BCAS1: variants seen among roughly 807,000 people sequenced by gnomAD.
BCAS1 encodes the protein breast carcinoma-amplified sequence 1.
In BCAS1, 46 loss-of-function variants were observed where a neutral mutation model predicts 65.4. The observed-to-expected ratio is 0.70, with a 90% confidence interval of 0.55 to 0.90. The LOEUF (loss-of-function observed/expected upper bound fraction) is 0.90. Among genes scored for constraint, BCAS1 ranks in the 40% least tolerant of loss-of-function variants. The probability of loss-of-function intolerance (pLI) is 0.00; values close to 1 mark genes in which losing one functional copy is unlikely to be tolerated. For synonymous variants in BCAS1, 298 were observed against 293.5 expected, an observed-to-expected ratio of 1.02 and a Z score of -0.16; for missense variants, 793 against 771.2, an observed-to-expected ratio of 1.03 and a Z score of -0.33.
At position 53,995,034 on chromosome 20, in the gene BCAS1, G is replaced by C. The variant is rs1169122886; in HGVS notation, c.905C>G (p.Thr302Arg). The stretch of plus-strand genomic sequence containing the variant: ...TACCGTGTCTTCTGGGTCCTTTTTT[G>C]TTTCAGCTTTGTTAGGTGAAACCTT... The part of the protein sequence containing the change: ...KTLVSPNKAE[T>R]KKDPEDTASK... Residue 302 changes from threonine to arginine, a missense_variant, in exon 6 of 13, where the codon ACA (threonine) becomes AGA (arginine). Coordinates refer to ENST00000688948, the MANE Select transcript of BCAS1 (RefSeq NM_001366298.2). The C allele has an allele frequency of 2.5e-6, 4 of 1,612,948 alleles. No homozygotes were observed. The Admixed American group carries it at 5.0e-5, about 20-fold the overall frequency.
Position 53,944,989 on chromosome 20 carries a change from T to G in BCAS1, c.1823A>C (p.Lys608Thr), listed in dbSNP as rs1010437354. The change falls in exon 13 of 13, where the codon AAG becomes ACG. Residue 608 changes from lysine to threonine, a missense_variant. By Grantham distance (78) the Lys-to-Thr change is moderately conservative. Transcript: ENST00000688948. Reference sequence around the variant, plus strand: ...TTGCACTTGAGCATCCAACATCCGCTTTGGTCCCTGGAGAAAAACAGAAAG... The same window carrying G: ...TTGCACTTGAGCATCCAACATCCGCGTTGGTCCCTGGAGAAAAACAGAAAG... ...LGGFFKGLGP[K>T]RMLDAQVQTD... The G allele has an allele frequency of 1.1e-5, 17 of 1,613,952 alleles. No individual in the cohort carries two copies. The highest frequency in any genetic ancestry group is 1.4e-5 in the Non-Finnish European group (16 of 1,179,986).
chr20:53,964,427 T>C (rs1276048873), intron 10 of BCAS1, among the ~76,000 whole-genome samples: 1 of 152,208 alleles, frequency 6.6e-6, no homozygotes, highest in Non-Finnish European at 1.5e-5. Context: ...ATACCTGGAA[T>C]TTTAAAGTAA....
At chr20:54,040,656 C>A (rs2091974147) in intron 3 of BCAS1, among the ~76,000 whole-genome samples, 1 of 151,062 alleles carries the variant, frequency 6.6e-6, no homozygotes, top group Non-Finnish European at 1.5e-5. Context: ...GTCTTCACAC[C>A]CACGAGGATG....
intron 11 of BCAS1, among the ~76,000 whole-genome samples, chr20:53,954,324 A>AGG (rs2089632966): frequency 6.6e-6 from 1 of 151,808 alleles, no homozygotes; most frequent in Non-Finnish European, 1.5e-5. Context: ...AGAGAGAGAG[A>AGG]GAGAGAGAGA....
chr20:54,023,628 C>T (rs1203909765), intron 4 of BCAS1, among the ~76,000 whole-genome samples: 2 of 152,076 alleles, frequency 1.3e-5, no homozygotes, highest in Non-Finnish European at 2.9e-5. Flanking sequence ...AGACAGATGG[C>T]GTTTGCACAG....
intron 4 of BCAS1, among the ~76,000 whole-genome samples, chr20:54,012,156 C>CCACTGTAT (rs1255416518): frequency 6.6e-6 from 1 of 151,918 alleles, no homozygotes; most frequent in African/African-American, 2.4e-5. Context: ...AAAAGGGTAC[C>CCACTGTAT]CACTGTATGA....
At chr20:53,989,493 ACAAT>A (rs1296696573) in intron 7 of BCAS1, among the ~76,000 whole-genome samples, 2 of 152,178 alleles carry the variant, frequency 1.3e-5, no homozygotes, top group Non-Finnish European at 2.9e-5. Flanking sequence ...CACAAAATAG[ACAAT>A]CAGTCATTCA....
intron 8 of BCAS1, among the ~76,000 whole-genome samples, chr20:53,975,713 C>T (rs570758011): frequency 2.0e-5 from 3 of 152,062 alleles, no homozygotes; most frequent in African/African-American, 7.2e-5. Flanking sequence ...ACAGAAAATG[C>T]TAACTGCTGT....
intron 8 of BCAS1, among the ~76,000 whole-genome samples, chr20:53,983,546 A>G (rs6097705): frequency 0.13 from 19,126 of 152,150 alleles, 2,605 homozygotes; most frequent in African/African-American, 0.34. Flanking sequence ...TGTGGTTTTT[A>G]CCATATTGTA....
chr20:53,946,126 T>G (rs948411363), intron 12 of BCAS1, among the ~76,000 whole-genome samples: 3 of 152,110 alleles, frequency 2.0e-5, no homozygotes, highest in African/African-American at 7.2e-5. Flanking sequence ...GTATAACTTA[T>G]AAGTAGTAAA....
In BCAS1 at chr20:53,996,461, TAAAAAAAAAAA is replaced by T. The variant is rs143929524; in HGVS notation, c.724-422_724-412del. Among the ~76,000 whole-genome samples the T allele has an allele frequency of 2.2e-5, 2 of 92,208 alleles. 1 individual carries two copies. Among genetic ancestry groups the T allele is most frequent in the African/African-American group, 6.9e-5 (2 of 29,176 alleles). 60.5% of individuals were successfully genotyped at this position (92,208 alleles called of 152,430 possible). A position where few individuals can be genotyped will look rare whatever the true frequency, so the allele number is the denominator to read the frequency against. On this transcript the variant is annotated intron_variant, in intron 4 of 12. Coordinates refer to ENST00000688948, the MANE Select transcript of BCAS1 (RefSeq NM_001366298.2). ...TTCCACAGAGTTGGATTATATCAAC[TAAAAAAAAAAA>T]AAAAAAAAAAGAAAAAGAAAAAGAA...
intron 4 of BCAS1, among the ~76,000 whole-genome samples, chr20:53,997,671 T>C (rs1207808728): frequency 2.6e-5 from 4 of 152,014 alleles, no homozygotes; most frequent in Non-Finnish European, 2.9e-5. Context: ...TTGCAAAAAA[T>C]GAGAAGGTTT....
intron 3 of BCAS1, among the ~76,000 whole-genome samples, chr20:54,050,556 T>TA (rs1382776620): frequency 6.6e-6 from 1 of 152,212 alleles, no homozygotes; most frequent in Non-Finnish European, 1.5e-5. Flanking sequence ...AGAGCACAGA[T>TA]ACAGTACATA....
chr20:53,966,662 T>G (rs1054021628), intron 10 of BCAS1, among the ~76,000 whole-genome samples: 1 of 152,214 alleles, frequency 6.6e-6, no homozygotes, highest in Non-Finnish European at 1.5e-5. Flanking sequence ...CACCTCTTTT[T>G]TTGTTAAAAA....
At chr20:54,023,398 T>C (rs8184491) in intron 4 of BCAS1, among the ~76,000 whole-genome samples, 1 of 152,182 alleles carries the variant, frequency 6.6e-6, no homozygotes, top group South Asian at 2.1e-4. Flanking sequence ...ATGGTGAAAA[T>C]ACAGGAATTC....
At chr20:53,985,141 G>T in intron 8 of BCAS1, 146 bp downstream of exon 8, 1 of 713,842 alleles carries the variant, frequency 1.4e-6, no homozygotes, top group South Asian at 1.9e-5. Context: ...ACATTAGAAG[G>T]CTTCTACTCA....
intron 10 of BCAS1, among the ~76,000 whole-genome samples, chr20:53,964,968 A>G (rs1031537094): frequency 1.3e-5 from 2 of 151,980 alleles, no homozygotes; most frequent in African/African-American, 2.4e-5. Context: ...TCTCAATATT[A>G]TGATGAGATA....
At chr20:54,015,505 T>A (rs989464151) in intron 4 of BCAS1, among the ~76,000 whole-genome samples, 1 of 152,024 alleles carries the variant, frequency 6.6e-6, no homozygotes, top group East Asian at 1.9e-4. Flanking sequence ...TGCATTCACA[T>A]CTTTCAAGCC....
intron 4 of BCAS1, among the ~76,000 whole-genome samples, chr20:53,999,637 A>G (rs1008725715): frequency 1.3e-5 from 2 of 152,104 alleles, no homozygotes; most frequent in Admixed American, 6.6e-5. Flanking sequence ...GAACATGTCA[A>G]GTAGGCTGTT....
Sources: gnomAD v4.1 joint callset for allele counts (sites outside exome capture counted in the v4.1 genomes callset) on GRCh38, gnomAD v4.1.1 for gene constraint, MANE v1.5 for transcripts, NCBI Gene and HGNC (gene_info 2026-07-23, HGNC 2026-07-21) for gene names.